DSCAML1: variants seen among roughly 807,000 people sequenced by gnomAD.
The protein encoded by DSCAML1 is cell adhesion molecule DSCAML1.
In DSCAML1, 38 loss-of-function variants were observed where a neutral mutation model predicts 200.5. The ratio of observed to expected loss-of-function variants is 0.19; its 90% confidence interval spans 0.15 to 0.25. The LOEUF is 0.25. Ranked by LOEUF, DSCAML1 falls within the 10% of genes least tolerant of loss-of-function variation. The pLI is 1.00. For missense variants in DSCAML1, 2,223 were observed against 2,858.8 expected, an observed-to-expected ratio of 0.78 and a Z score of 5.07; for synonymous variants, 1,215 against 1,165.0, an observed-to-expected ratio of 1.04 and a Z score of -0.87.
intron 3 of DSCAML1, among the ~76,000 whole-genome samples, chr11:117,678,651 AC>A (rs1296436296): frequency 6.6e-6 from 1 of 152,180 alleles, no homozygotes; most frequent in Non-Finnish European, 1.5e-5. Context: ...CCACATGGGT[AC>A]CTAGTGGAAG....
chr11:117,520,303 C>T (rs772850641), intron 6 of DSCAML1, among the ~76,000 whole-genome samples: 22 of 152,076 alleles, frequency 1.4e-4, no homozygotes, highest in Admixed American at 3.9e-4. Flanking sequence ...TAAGGAACTC[C>T]GGGTGCTGGC....
chr11:117,470,492 A>G (rs551558191), intron 15 of DSCAML1, among the ~76,000 whole-genome samples: 162 of 152,320 alleles, frequency 1.1e-3, no homozygotes, highest in African/African-American at 2.7e-3. Context: ...GGAGAATGGC[A>G]TGAACCCAGG....
intron 3 of DSCAML1, among the ~76,000 whole-genome samples, chr11:117,715,753 A>C (rs1565891171): frequency 6.6e-6 from 1 of 152,124 alleles, no homozygotes; most frequent in Non-Finnish European, 1.5e-5. Context: ...CCCTCTTCAC[A>C]CAGCAGGGGC....
At chr11:117,464,823 G>T in intron 17 of DSCAML1, 119 bp downstream of exon 17, 1 of 1,477,836 alleles carries the variant, frequency 6.8e-7, no homozygotes. Context: ...AGCCTGCGTG[G>T]ACCACAGGAC....
At chr11:117,557,894 G>T (rs1287763833) in intron 3 of DSCAML1, among the ~76,000 whole-genome samples, 1 of 152,062 alleles carries the variant, frequency 6.6e-6, no homozygotes, top group African/African-American at 2.4e-5. Flanking sequence ...AGGCATTTTT[G>T]GTTGTCATGA....
intron 3 of DSCAML1, among the ~76,000 whole-genome samples, chr11:117,672,609 G>T (rs1353967448): frequency 6.6e-6 from 1 of 152,152 alleles, no homozygotes; most frequent in Non-Finnish European, 1.5e-5. Flanking sequence ...GGGCATCCAG[G>T]GCGAGCCTAT....
At chr11:117,753,333 G>C (rs772777334) in intron 3 of DSCAML1, among the ~76,000 whole-genome samples, 2 of 152,192 alleles carry the variant, frequency 1.3e-5, no homozygotes, top group African/African-American at 2.4e-5. Context: ...CTGGGGCTGA[G>C]TGGTCCCGCA....
chr11:117,441,874 G>A (rs1375197351), intron 21 of DSCAML1, among the ~76,000 whole-genome samples: 1 of 152,240 alleles, frequency 6.6e-6, no homozygotes, highest in African/African-American at 2.4e-5. Context: ...AGAAGCCTGG[G>A]GGCTTTGTGG....
chr11:117,516,898 A>G lies in DSCAML1; in HGVS notation c.1511-159T>C, dbSNP rs1035843139. Among the ~76,000 whole-genome samples, 16 of 152,248 alleles carry G rather than the reference A, an allele frequency of 1.1e-4. No individual in the cohort carries two copies. Among genetic ancestry groups the G allele is most frequent in the African/African-American group, 3.9e-4 (16 of 41,550 alleles). On this transcript the variant is annotated intron_variant, in intron 7 of 32. Transcript: ENST00000651296. This position sits in a 1 kb window ranked among gnomAD's most constrained non-coding sequence, Gnocchi z 5.7. The stretch of plus-strand genomic sequence containing the variant: ...TGGGGGCACAGGGATGCCTTTTTAC[A>G]AAGCTACAGACAGGGGCTGGAATTG...
intron 3 of DSCAML1, among the ~76,000 whole-genome samples, chr11:117,692,493 G>A (rs1284500807): frequency 6.6e-6 from 1 of 152,092 alleles, no homozygotes; most frequent in Admixed American, 6.5e-5. Context: ...ACTAGATGTT[G>A]GTCAGGATTT....
intron 23 of DSCAML1, 107 bp downstream of exon 23, chr11:117,439,159 T>C: frequency 1.3e-6 from 2 of 1,482,632 alleles, no homozygotes; most frequent in Non-Finnish European, 9.2e-7. Flanking sequence ...GGTCTGTCTC[T>C]CCCTTGGTTT....
rs754930113 is a variant in DSCAML1, at chr11:117,797,111, G to A, written c.-32C>T. On this transcript the variant is annotated 5_prime_UTR_variant, in exon 1 of 33. Coordinates refer to ENST00000651296, the MANE Select transcript of DSCAML1 (RefSeq NM_020693.4). Reference sequence around the variant, plus strand: ...AAGAGGCCCTATTCTCCGGGGAGGTGGTCCTGTGGCCGGCCGTGCGGCAGC... The same window carrying A: ...AAGAGGCCCTATTCTCCGGGGAGGTAGTCCTGTGGCCGGCCGTGCGGCAGC... 3.0e-5 allele frequency: 48 copies of A among 1,589,594 alleles called. No homozygotes were observed. In the South Asian group the frequency reaches 4.4e-4, roughly 15 times the overall value.
chr11:117,468,257 ACTTAT>A (rs1490163772), intron 16 of DSCAML1, among the ~76,000 whole-genome samples: 2 of 152,134 alleles, frequency 1.3e-5, no homozygotes, highest in African/African-American at 4.8e-5. Context: ...AAATGAAGTG[ACTTAT>A]CTTCAAGTGA....
At chr11:117,779,995 C>T (rs568896515) in intron 2 of DSCAML1, among the ~76,000 whole-genome samples, 1 of 151,922 alleles carries the variant, frequency 6.6e-6, no homozygotes, top group East Asian at 1.9e-4. Flanking sequence ...AGCACCAACT[C>T]ATTTAACCAT....
intron 3 of DSCAML1, among the ~76,000 whole-genome samples, chr11:117,678,112 G>A (rs958835632): frequency 1.3e-5 from 2 of 152,170 alleles, no homozygotes. Context: ...GAGAGAGGGC[G>A]GCTGACAAGC....
In DSCAML1 at chr11:117,437,820, C is replaced by G; in HGVS notation, c.4432+75G>C. 1 of 1,459,290 alleles carries G rather than the reference C, an allele frequency of 6.9e-7. No homozygotes were observed. 90.4% of individuals were successfully genotyped at this position (1,459,290 alleles called of 1,614,324 possible). ...CCTTCCCCACCCCAGCCACCTTACA[C>G]CCCATACCTGGCCCCTCTAGCCCAC... is the stretch of plus-strand genomic sequence containing the variant. On this transcript the variant is annotated intron_variant, in intron 25 of 32. Coordinates refer to ENST00000651296, the MANE Select transcript of DSCAML1 (RefSeq NM_020693.4). The surrounding 1 kb of genome is among the most constrained non-coding windows in gnomAD (Gnocchi z 5.3).
intron 2 of DSCAML1, among the ~76,000 whole-genome samples, chr11:117,778,226 C>T (rs559716464): frequency 6.6e-6 from 1 of 152,328 alleles, no homozygotes; most frequent in Admixed American, 6.5e-5. Context: ...AGAGGAGAGG[C>T]ACTGGTGGCT....
chr11:117,524,822 C>G lies in DSCAML1; in HGVS notation c.920G>C (p.Gly307Ala). The change falls in exon 5 of 33, where the codon GGC becomes GCC. Residue 307 changes from glycine (G) to alanine (A), a missense_variant. Coordinates refer to ENST00000651296, the MANE Select transcript of DSCAML1 (RefSeq NM_020693.4). ...CGACTCACCAATGACCATGAGGATG[C>G]CTGTGGCCTCTGCCGAACCGAAGGT... ...TNTFGSAEATGILMVIDPLHV... is the reference protein window; with the variant it reads ...TNTFGSAEATAILMVIDPLHV... 1 of 1,586,362 alleles carries G rather than the reference C, an allele frequency of 6.3e-7. No homozygotes were observed. The highest frequency in any genetic ancestry group is 8.6e-7 in the Non-Finnish European group (1 of 1,165,080).
In DSCAML1 at chr11:117,685,063, G is replaced by T. The variant is rs192015500; in HGVS notation, c.511+91728C>A. On this transcript the variant is annotated intron_variant, in intron 3 of 32. Transcript: ENST00000651296. The stretch of plus-strand genomic sequence containing the variant: ...AGGGCAGAGCTGGACCAGGCCTGGA[G>T]AGTAACCAAGGCCTTCCGTGACATC... 2.9e-3 allele frequency among the ~76,000 whole-genome samples: 447 copies of T among 152,344 alleles called. 2 individuals carry two copies. Among genetic ancestry groups the T allele is most frequent in the African/African-American group, 8.9e-3 (370 of 41,578 alleles).
Sources: gnomAD v4.1 joint callset for allele counts (sites outside exome capture counted in the v4.1 genomes callset) on GRCh38, gnomAD v4.1.1 for gene constraint, Gnocchi (gnomAD v3.1) non-coding constraint, MANE v1.5 for transcripts, NCBI Gene and HGNC (gene_info 2026-07-23, HGNC 2026-07-21) for gene names.